The following ZFYVE26 variants were observed in gnomAD, a reference collection of about 807,000 sequenced individuals.
ZFYVE26 encodes zinc finger FYVE domain-containing protein 26.
Under a neutral mutation model 276.5 loss-of-function variants are expected in ZFYVE26, and 181 were observed. The ratio of observed to expected loss-of-function variants is 0.65; its 90% CI spans 0.58 to 0.74. The LOEUF (loss-of-function observed/expected upper bound fraction) is 0.74, where lower values mean the gene tolerates loss of function less well. Ranked by LOEUF, ZFYVE26 falls within the 30% of genes least tolerant of loss-of-function variation. The pLI, the probability that ZFYVE26 is intolerant of heterozygous loss-of-function variation, is 0.00. For synonymous variants in ZFYVE26, 1,129 were observed against 1,203.1 expected, an observed-to-expected ratio of 0.94 and a Z score of 1.27; for missense variants, 2,821 against 3,097.9, an observed-to-expected ratio of 0.91 and a Z score of 2.12.
chr14:67,798,212 C>T lies in ZFYVE26; in HGVS notation c.2050G>A (p.Ala684Thr). Residue 684 changes from alanine to threonine, a missense_variant, in exon 11 of 42, where the codon GCA becomes ACA. Physicochemically the swap from Ala to Thr is moderately conservative, Grantham distance 58 (BLOSUM62 0). Coordinates refer to ENST00000347230, the MANE Select transcript of ZFYVE26 (RefSeq NM_015346.4). ...GISGFLADEF[A>T]IGAFLRLLQE... Reference sequence around the variant, plus strand: ...AGAAGCCTGAGGAAGGCCCCTATTGCAAATTCATCAGCCAGAAATCCACTG... The same window carrying T: ...AGAAGCCTGAGGAAGGCCCCTATTGTAAATTCATCAGCCAGAAATCCACTG... The T allele has an allele frequency of 1.2e-6, 2 of 1,614,184 alleles. No homozygotes were observed. Among genetic ancestry groups the T allele is most frequent in the Non-Finnish European group, 1.7e-6 (2 of 1,180,030 alleles).
chr14:67,782,923 A>T lies in ZFYVE26; in HGVS notation c.4229T>A (p.Leu1410Gln), dbSNP rs1248290089. Reference sequence around the variant, plus strand: ...CTCAAAAGCCTCACTCAGTACATCTAGGGCAATGGGAGAATGTAGGCCCAG... The same window carrying T: ...CTCAAAAGCCTCACTCAGTACATCTTGGGCAATGGGAGAATGTAGGCCCAG... ...VLLGLHSPIA[L>Q]DVLSEAFEES... The change falls in exon 21 of 42, where the codon CTA becomes CAA. Residue 1410 changes from leucine to glutamine, a missense_variant. Transcript: ENST00000347230. 3 of 1,614,206 alleles carry T rather than the reference A, an allele frequency of 1.9e-6. No homozygotes were observed. Among genetic ancestry groups the T allele is most frequent in the Admixed American group, 3.3e-5 (2 of 60,026 alleles).
chr14:67,761,294 G>A (rs1285278095), intron 35 of ZFYVE26, 72 bp downstream of exon 35: 11 of 1,405,146 alleles, frequency 7.8e-6, no homozygotes, highest in South Asian at 2.4e-5. Flanking sequence ...TTATTGTCCC[G>A]CTTAAGGCTG....
intron 36 of ZFYVE26, among the ~76,000 whole-genome samples, 176 bp downstream of exon 36, chr14:67,755,772 G>A (rs951616264): frequency 6.6e-6 from 1 of 152,082 alleles, no homozygotes; most frequent in African/African-American, 2.4e-5. Flanking sequence ...CCAAACTTAG[G>A]ATGGAAATCC....
At chr14:67,809,061 C>T (rs1455425867) in intron 4 of ZFYVE26, 139 bp downstream of exon 4, 5 of 783,652 alleles carry the variant, frequency 6.4e-6, no homozygotes, top group Non-Finnish European at 9.0e-6. Flanking sequence ...AAACTCTCCT[C>T]AAAGGAGCTT....
Position 67,786,018 on chromosome 14 carries a change from ACT to A in ZFYVE26, c.3142_3143del (p.Ser1048CysfsTer15). 1 of 1,613,954 alleles carries A rather than the reference ACT, an allele frequency of 6.2e-7. No homozygotes were observed. The highest frequency in any genetic ancestry group is 1.1e-5 in the South Asian group (1 of 91,084). On this transcript the variant is annotated frameshift_variant and splice_region_variant, in exon 18 of 42. Coordinates refer to ENST00000347230, the MANE Select transcript of ZFYVE26 (RefSeq NM_015346.4). LOFTEE classifies it high-confidence loss of function. ...LMSASQTKSE[S>X]VEEKGGGPPR... ...GAGGGCCTCCTCCCTTTTCTTCCAC[ACT>A]CTCTATGGAAAGCAAATGAGAAAGA...
At chr14:67,773,672 G>A (rs182696505) in intron 27 of ZFYVE26, among the ~76,000 whole-genome samples, 49 of 152,086 alleles carry the variant, frequency 3.2e-4, no homozygotes, top group African/African-American at 1.1e-3. Context: ...CCCTCAGCTC[G>A]GCTGGTTACC....
At chr14:67,752,237 G>A (rs1024733532) in intron 40 of ZFYVE26, 107 bp downstream of exon 40, 73 of 1,382,992 alleles carry the variant, frequency 5.3e-5, no homozygotes, top group Non-Finnish European at 6.7e-5. Flanking sequence ...AATGATAAAA[G>A]GATCTTGTAG....
Position 67,761,487 on chromosome 14 carries a change from T to G in ZFYVE26, c.6467A>C (p.Asn2156Thr). The change falls in exon 35 of 42, where the codon AAC (asparagine) becomes ACC (threonine). Residue 2156 changes from asparagine (N) to threonine (T), a missense_variant. By Grantham distance (65) the Asn-to-Thr change is moderately conservative. Coordinates refer to ENST00000347230, the MANE Select transcript of ZFYVE26 (RefSeq NM_015346.4). ...LAVIPEGKIM[N>T]NTYYQECLFY... ...GAGGCATTCCTGGTAGTAGGTGTTG[T>G]TCATGATTTTCCCTTCAGGAATCAC... 1 of 1,614,188 alleles carries G rather than the reference T, an allele frequency of 6.2e-7. No individual in the cohort carries two copies. Among genetic ancestry groups the G allele is most frequent in the Non-Finnish European group, 8.5e-7 (1 of 1,180,022 alleles).
rs548878873 is a variant in ZFYVE26 at position 67,748,141 on chromosome 14, C to T, written c.*295G>A. ...AGAAATGCTTGGGCGTAAACATCAG[C>T]GCACAGGAACATGCACACGTGTGTG... is the stretch of plus-strand genomic sequence containing the variant. On this transcript the variant is annotated 3_prime_UTR_variant, in exon 42 of 42. Transcript: ENST00000347230. 46 of 457,594 alleles carry T rather than the reference C, an allele frequency of 1.0e-4. No homozygotes were observed. Among genetic ancestry groups the T allele is most frequent in the African/African-American group, 4.7e-4 (24 of 51,386 alleles). The allele number at this position is 457,594 out of a possible 1,614,324, so 28.3% of individuals were successfully genotyped here.
intron 40 of ZFYVE26, 49 bp downstream of exon 40, chr14:67,752,295 A>C (rs1363631086): frequency 1.9e-6 from 3 of 1,569,732 alleles, no homozygotes; most frequent in East Asian, 4.6e-5. Context: ...TGGGGATGTG[A>C]AGACACTGAA....
At chr14:67,753,843 A>G in intron 38 of ZFYVE26, 77 bp from the exon 39 acceptor site, 1 of 1,539,244 alleles carries the variant, frequency 6.5e-7, no homozygotes, top group Non-Finnish European at 8.9e-7. Context: ...GAAGGCCTCT[A>G]TTTATTCAAT....
chr14:67,804,886 T>G (rs2040145555), intron 8 of ZFYVE26, among the ~76,000 whole-genome samples: 1 of 152,236 alleles, frequency 6.6e-6, no homozygotes, highest in South Asian at 2.1e-4. Flanking sequence ...TATCTACCCA[T>G]AGGATTATTG....
intron 14 of ZFYVE26, 141 bp downstream of exon 14, chr14:67,793,467 A>C (rs1245976908): frequency 4.5e-6 from 4 of 890,066 alleles, no homozygotes; most frequent in Non-Finnish European, 7.1e-6. Flanking sequence ...GGGCCTGGGC[A>C]CATGGAAACC....
At position 67,783,359 on chromosome 14, in the gene ZFYVE26, G is replaced by C. The variant is rs1245041911; in HGVS notation, c.3793C>G (p.Leu1265Val). ...TLAQLHASHC[L>V]DDLPLSTPSS... Reference sequence around the variant, plus strand: ...GGTGTAGAAAGTGGGAGGTCATCCAGGCAGTGAGAGGCGTGTAGCTGGGCC... The same window carrying C: ...GGTGTAGAAAGTGGGAGGTCATCCACGCAGTGAGAGGCGTGTAGCTGGGCC... The change falls in exon 21 of 42, where the codon CTG (leucine) becomes GTG (valine). Residue 1265 changes from leucine (L) to valine (V), a missense_variant. Coordinates refer to ENST00000347230, the MANE Select transcript of ZFYVE26 (RefSeq NM_015346.4). 9.9e-6 allele frequency: 16 copies of C among 1,613,500 alleles called. No homozygotes were observed. Among genetic ancestry groups the C allele is most frequent in the Non-Finnish European group, 1.4e-5 (16 of 1,179,480 alleles).
downstream of ZFYVE26, among the ~76,000 whole-genome samples, chr14:67,742,602 CA>C (rs1566856276): frequency 1.3e-5 from 2 of 152,050 alleles, no homozygotes; most frequent in African/African-American, 4.8e-5. Context: ...CTGCAACAGT[CA>C]GGGGAGGAGG....
downstream of ZFYVE26, among the ~76,000 whole-genome samples, chr14:67,742,132 T>C (rs1027585702): frequency 1.3e-5 from 2 of 152,230 alleles, no homozygotes; most frequent in African/African-American, 4.8e-5. Context: ...TCCATTATGC[T>C]AAATAAACCA....
intron 2 of ZFYVE26, 29 bp from the exon 3 acceptor site, chr14:67,814,093 A>G: frequency 6.4e-7 from 1 of 1,559,420 alleles, no homozygotes; most frequent in Non-Finnish European, 8.8e-7. Flanking sequence ...AAGACTTGTA[A>G]AAAAGAGTTT....
intron 22 of ZFYVE26, among the ~76,000 whole-genome samples, chr14:67,780,567 C>T (rs2039472743): frequency 1.3e-5 from 2 of 152,100 alleles, no homozygotes; most frequent in Admixed American, 1.3e-4. Context: ...ATATGGAGGC[C>T]AGGACTGGGG....
In ZFYVE26 at chr14:67,767,015, T is replaced by G. The variant is rs573301941; in HGVS notation, c.5791-568A>C. Among the ~76,000 whole-genome samples, 12 of 152,272 alleles carry G rather than the reference T, an allele frequency of 7.9e-5. No individual in the cohort carries two copies. In the South Asian group the frequency reaches 2.3e-3, roughly 29 times the overall value. ...CACTGCGCCCAGCCTTGTTACCTAC[T>G]TCTTGACAATGTCCATAGGTCCCCT... is the stretch of plus-strand genomic sequence containing the variant. On this transcript the variant is annotated intron_variant, in intron 31 of 41. Transcript: ENST00000347230.
Sources: gnomAD v4.1 joint callset for allele counts (sites outside exome capture counted in the v4.1 genomes callset) on GRCh38, gnomAD v4.1.1 for gene constraint, MANE v1.5 for transcripts, NCBI Gene and HGNC (gene_info 2026-07-23, HGNC 2026-07-21) for gene names.